DMXL1: variants seen among roughly 807,000 people sequenced by gnomAD.
The protein encoded by DMXL1 is dmX-like protein 1.
DMXL1 carries 99 observed loss-of-function variants against 319.2 expected under a neutral mutation model. The ratio of observed to expected loss-of-function variants is 0.31; its 90% CI spans 0.26 to 0.37. The LOEUF (loss-of-function observed/expected upper bound fraction) is 0.37. Ranked by LOEUF, DMXL1 falls within the 10% of genes least tolerant of loss-of-function variation. The probability of loss-of-function intolerance (pLI) is 1.00; values close to 1 mark genes in which losing one functional copy is unlikely to be tolerated. For missense variants in DMXL1, 3,745 were observed against 3,595.6 expected (o/e 1.04, Z -1.06); for synonymous variants, 1,385 against 1,235.2 (o/e 1.12, Z -2.54).
rs1461681311 is a variant in DMXL1 at position 119,173,668 on chromosome 5, A to ATGTGTGTGTGTGTG, written c.6682-1590_6682-1589insGTGTGTGTGTGTGT. Among the ~76,000 whole-genome samples the ATGTGTGTGTGTGTG allele has an allele frequency of 1.7e-3, 173 of 100,518 alleles. 1 individual carries two copies. Among genetic ancestry groups the ATGTGTGTGTGTGTG allele is most frequent in the African/African-American group, 4.8e-3 (160 of 33,076 alleles). 65.9% of individuals were successfully genotyped at this position (100,518 alleles called of 152,430 possible). A position where few individuals can be genotyped will look rare whatever the true frequency, so the allele number is the denominator to read the frequency against. On this transcript the variant is annotated intron_variant, in intron 25 of 43. Transcript: ENST00000539542. ...TCACCAAAGAAACAGAATCAGTAGG[A>ATGTGTGTGTGTGTG]TGTATGTGTGTGTGTGTGTGTGTGT...
At chr5:119,203,980 G>A (rs956908664) in intron 33 of DMXL1, among the ~76,000 whole-genome samples, 10 of 151,776 alleles carry the variant, frequency 6.6e-5, no homozygotes, top group Non-Finnish European at 8.8e-5. Context: ...CCGCCACCAC[G>A]CCCAACTAAT....
At chr5:119,081,388 C>T (rs1752157431) in intron 1 of DMXL1, among the ~76,000 whole-genome samples, 1 of 152,140 alleles carries the variant, frequency 6.6e-6, no homozygotes, top group Admixed American at 6.5e-5. Context: ...TTTATTGATG[C>T]CATATGTGTG....
At position 119,078,945 on chromosome 5, in the gene DMXL1, ACTGTCTGGACCCTTTTTGTTTG is replaced by A. The variant is rs533934269; in HGVS notation, c.87+7291_87+7312del. 9.2e-5 allele frequency among the ~76,000 whole-genome samples: 14 copies of A among 152,214 alleles called. No individual in the cohort carries two copies. The South Asian group carries it at 2.9e-3, about 32-fold the overall frequency. Reference sequence around the variant, plus strand: ...CAGTCTTTGTTGCCAGTATCCTTTAACTGTCTGGACCCTTTTTGTTTGCGCCAGTCTGATGAAATTCCACACA... The same window carrying A: ...CAGTCTTTGTTGCCAGTATCCTTTAACGCCAGTCTGATGAAATTCCACACA... On this transcript the variant is annotated intron_variant, in intron 1 of 43. Transcript: ENST00000539542.
chr5:119,181,294 G>A (rs77671608), intron 28 of DMXL1, among the ~76,000 whole-genome samples: 162 of 152,164 alleles, frequency 1.1e-3, no homozygotes, highest in African/African-American at 3.7e-3. Context: ...TACTTAAAAC[G>A]TATTGTTCAC....
chr5:119,220,880 C>T lies in DMXL1; in HGVS notation c.8136-60C>T, dbSNP rs140251821. 1,025 of 1,571,196 alleles carry T rather than the reference C, an allele frequency of 6.5e-4. 6 individuals are homozygous for T. The African/African-American group carries it at 0.013, about 20-fold the overall frequency. On this transcript the variant is annotated intron_variant, in intron 36 of 43. Transcript: ENST00000539542. ...CTATAAATTCAAATTTTAGACCTTT[C>T]AAGTGTAAAAAAGAAAGAAATGATG...
rs1469808663 is a variant in DMXL1 at position 119,105,093 on chromosome 5, A to G, written c.286-87A>G. On this transcript the variant is annotated intron_variant, in intron 3 of 43. Coordinates refer to ENST00000539542, the MANE Select transcript of DMXL1 (RefSeq NM_001290321.3). The stretch of plus-strand genomic sequence containing the variant: ...ATCTTTAAAATTGACTGCCTGTGTT[A>G]TTGTAAGAATAACAAGCATAAACGT... 4.8e-6 allele frequency: 4 copies of G among 839,346 alleles called. No homozygotes were observed. In the African/African-American group the frequency reaches 6.8e-5, roughly 14 times the overall value. 52.0% of individuals were successfully genotyped at this position (839,346 alleles called of 1,614,324 possible). A position where few individuals can be genotyped will look rare whatever the true frequency, so the allele number is the denominator to read the frequency against.
At chr5:119,124,559 A>G (rs1207197860) in intron 9 of DMXL1, among the ~76,000 whole-genome samples, 2 of 137,402 alleles carry the variant, frequency 1.5e-5, no homozygotes, top group African/African-American at 2.7e-5. Context: ...CATTATGGTG[A>G]TGACTTTTTT....
At chr5:119,074,799 T>A (rs1409161191) in intron 1 of DMXL1, among the ~76,000 whole-genome samples, 2 of 152,214 alleles carry the variant, frequency 1.3e-5, no homozygotes, top group African/African-American at 4.8e-5. Context: ...CCACGCTTCA[T>A]TGTGAGCACC....
chr5:119,215,979 C>T (rs1783614756), intron 34 of DMXL1, among the ~76,000 whole-genome samples: 1 of 150,968 alleles, frequency 6.6e-6, no homozygotes, highest in Non-Finnish European at 1.5e-5. Context: ...GCCTGTAATC[C>T]CAGCTACTTG....
At chr5:119,234,838 T>G (rs1251359465) in intron 39 of DMXL1, among the ~76,000 whole-genome samples, 7 of 152,154 alleles carry the variant, frequency 4.6e-5, no homozygotes, top group Non-Finnish European at 1.0e-4. Flanking sequence ...GATCACATTA[T>G]TATTTTTTTC....
intron 1 of DMXL1, among the ~76,000 whole-genome samples, chr5:119,079,878 A>G (rs554008679): frequency 6.6e-6 from 1 of 152,158 alleles, no homozygotes; most frequent in South Asian, 2.1e-4. Context: ...TTTGCAAGAT[A>G]TCTTTCTTGT....
intron 5 of DMXL1, among the ~76,000 whole-genome samples, chr5:119,111,927 G>A (rs1416277670): frequency 6.6e-6 from 1 of 152,102 alleles, no homozygotes; most frequent in Non-Finnish European, 1.5e-5. Flanking sequence ...AGGTGCTCTT[G>A]TATACTGTCA....
intron 19 of DMXL1, among the ~76,000 whole-genome samples, chr5:119,158,066 T>G (rs1248931684): frequency 6.6e-6 from 1 of 152,132 alleles, no homozygotes; most frequent in Non-Finnish European, 1.5e-5. Flanking sequence ...GTTAAATTTT[T>G]GTTTTTAATG....
intron 34 of DMXL1, among the ~76,000 whole-genome samples, chr5:119,207,906 A>C (rs1782040899): frequency 6.6e-6 from 1 of 152,186 alleles, no homozygotes; most frequent in South Asian, 2.1e-4. Flanking sequence ...GTGATTTTTA[A>C]GTGAAAAATT....
At chr5:119,210,757 G>GTTTTTTTTTTTTTTTTTTTTTTTTCT in intron 34 of DMXL1, among the ~76,000 whole-genome samples, 2 of 89,778 alleles carry the variant, frequency 2.2e-5, no homozygotes, top group African/African-American at 8.2e-5. Flanking sequence ...TTTTTCTTTC[G>GTTTTTTTTTTTTTTTTTTTTTTTTCT]TTTTTTTTTT....
chr5:119,099,179 T>TG lies in DMXL1; in HGVS notation c.213+1075_213+1076insG, dbSNP rs202216285. On this transcript the variant is annotated intron_variant, in intron 2 of 43. Transcript: ENST00000539542. ...TGGAATGCTGGAAATCTTTGGGTTT[T>TG]TTTTTTGTTTTTTGTTTGTTTTTGT... is the stretch of plus-strand genomic sequence containing the variant. Among the ~76,000 whole-genome samples the TG allele has an allele frequency of 5.7e-3, 627 of 110,680 alleles. 4 individuals are homozygous for TG. The highest frequency in any genetic ancestry group is 0.025 in the African/African-American group (614 of 24,124). 72.6% of individuals were successfully genotyped at this position (110,680 alleles called of 152,430 possible).
At chr5:119,160,134 CAG>C (rs924308162) in intron 19 of DMXL1, among the ~76,000 whole-genome samples, 5 of 150,786 alleles carry the variant, frequency 3.3e-5, no homozygotes, top group African/African-American at 9.7e-5. Flanking sequence ...GTTTATTTGA[CAG>C]AGATATATAT....
chr5:119,241,514 G>C (rs925380318), intron 42 of DMXL1, among the ~76,000 whole-genome samples: 1 of 136,008 alleles, frequency 7.4e-6, no homozygotes, highest in Non-Finnish European at 1.5e-5. Context: ...CAGCCTGGGC[G>C]ACAGAGCAAG....
At position 119,178,252 on chromosome 5, in the gene DMXL1, T is replaced by TA. The variant is rs1239758429; in HGVS notation, c.7135+14dup. 20 of 1,608,672 alleles carry TA rather than the reference T, an allele frequency of 1.2e-5. No homozygotes were observed. Among genetic ancestry groups the TA allele is most frequent in the Non-Finnish European group, 1.7e-5 (20 of 1,177,382 alleles). Reference sequence around the variant, plus strand: ...ATTCAAAAACTTTACCTGGTGAGTTTAAAAAATTTTTTTAGGACTGAAGCT... The same window carrying TA: ...ATTCAAAAACTTTACCTGGTGAGTTTAAAAAAATTTTTTTAGGACTGAAGCT... On this transcript the variant is annotated intron_variant, in intron 28 of 43. Coordinates refer to ENST00000539542, the MANE Select transcript of DMXL1 (RefSeq NM_001290321.3).
Sources: gnomAD v4.1 joint callset for allele counts (sites outside exome capture counted in the v4.1 genomes callset) on GRCh38, gnomAD v4.1.1 for gene constraint, MANE v1.5 for transcripts, NCBI Gene and HGNC (gene_info 2026-07-23, HGNC 2026-07-21) for gene names.